Variants in SEPTIN7 observed in about 807,000 individuals in gnomAD.
SEPTIN7 encodes the protein septin-7.
Under a neutral mutation model 63.3 loss-of-function variants are expected in SEPTIN7, and 10 were observed. The observed-to-expected ratio is 0.16, with a 90% CI of 0.10 to 0.27. The LOEUF (loss-of-function observed/expected upper bound fraction) is 0.27, where lower values mean the gene tolerates loss of function less well. Among genes scored for constraint, SEPTIN7 ranks in the 10% least tolerant of loss-of-function variants. SEPTIN7 has a pLI of 1.00. For synonymous variants in SEPTIN7, 131 were observed against 165.3 expected, an observed-to-expected ratio of 0.79 and a Z score of 1.59; for missense variants, 310 against 521.0, an observed-to-expected ratio of 0.59 and a Z score of 3.94.
chr7:35,803,031 C>G (rs777735911), intron 1 of SEPTIN7: 2 of 291,176 alleles, frequency 6.9e-6, no homozygotes, highest in Non-Finnish European at 1.0e-5. Context: ...ACATATTTTA[C>G]CACATCTTAG....
chr7:35,886,868 A>G (rs1369130513), intron 10 of SEPTIN7, among the ~76,000 whole-genome samples: 2 of 152,232 alleles, frequency 1.3e-5, no homozygotes, highest in African/African-American at 4.8e-5. Context: ...CTGCTACCTC[A>G]AGAAATACAA....
chr7:35,842,944 G>A (rs984121902), intron 3 of SEPTIN7, among the ~76,000 whole-genome samples: 2 of 152,040 alleles, frequency 1.3e-5, no homozygotes, highest in Non-Finnish European at 2.9e-5. Context: ...ATATATATGT[G>A]TGTGTGTATG....
At chr7:35,913,092 A>T in the SEPTIN7 span, among the ~76,000 whole-genome samples, 1 of 152,100 alleles carries the variant, frequency 6.6e-6, no homozygotes, top group Non-Finnish European at 1.5e-5. Context: ...AGTTAACAAT[A>T]CCTAGCCAGT....
intron 3 of SEPTIN7, chr7:35,848,121 TCTA>T (rs1288968948): frequency 6.6e-6 from 1 of 152,222 alleles, no homozygotes; most frequent in African/African-American, 2.4e-5. Context: ...TTCTGCAAAA[TCTA>T]CTTTTTCTGA....
chr7:35,896,800 G>A (rs1193675798), intron 11 of SEPTIN7, among the ~76,000 whole-genome samples: 1 of 152,162 alleles, frequency 6.6e-6, no homozygotes, highest in African/African-American at 2.4e-5. Flanking sequence ...TTTTAGTGAA[G>A]AAATATCCTT....
chr7:35,897,051 A>C (rs1787997814), intron 11 of SEPTIN7, among the ~76,000 whole-genome samples: 1 of 152,202 alleles, frequency 6.6e-6, no homozygotes, highest in Admixed American at 6.5e-5. Flanking sequence ...AAGTCACCAT[A>C]ATAAGAGTGT....
At chr7:35,812,350 A>G (rs1460259131) in intron 1 of SEPTIN7, among the ~76,000 whole-genome samples, 1 of 148,116 alleles carries the variant, frequency 6.8e-6, no homozygotes, top group East Asian at 2.0e-4. Flanking sequence ...TAATTTTGGA[A>G]TAGTTTTGGA....
At chr7:35,808,613 CT>C in intron 1 of SEPTIN7, among the ~76,000 whole-genome samples, 1 of 152,108 alleles carries the variant, frequency 6.6e-6, no homozygotes, top group Admixed American at 6.5e-5. Flanking sequence ...AAGATGGCAC[CT>C]TAAATGCTAC....
chr7:35,896,372 G>T (rs988472046), intron 11 of SEPTIN7, among the ~76,000 whole-genome samples: 5 of 152,100 alleles, frequency 3.3e-5, no homozygotes, highest in African/African-American at 1.2e-4. Context: ...TTTTTAGATT[G>T]TTTCTTTTTT....
At chr7:35,859,881 C>T (rs1310146925) in intron 3 of SEPTIN7, among the ~76,000 whole-genome samples, 1 of 152,098 alleles carries the variant, frequency 6.6e-6, no homozygotes, top group Non-Finnish European at 1.5e-5. Flanking sequence ...CTTAGATCTA[C>T]AATGTGTCTT....
At chr7:35,889,582 G>T (rs1461950204) in intron 10 of SEPTIN7, among the ~76,000 whole-genome samples, 2 of 152,028 alleles carry the variant, frequency 1.3e-5, no homozygotes, top group Admixed American at 1.3e-4. Context: ...TCTTGCTCAT[G>T]TACTCAGGAT....
chr7:35,836,091 C>G (rs963867325), intron 3 of SEPTIN7, among the ~76,000 whole-genome samples: 4 of 151,868 alleles, frequency 2.6e-5, no homozygotes, highest in South Asian at 2.1e-4. Flanking sequence ...TTTTGGAGAC[C>G]CTGATTGACA....
intron 7 of SEPTIN7, 91 bp downstream of exon 7, chr7:35,880,031 C>T (rs1301633514): frequency 1.4e-5 from 10 of 704,028 alleles, no homozygotes; most frequent in Admixed American, 2.1e-5. Flanking sequence ...CAATCCATTC[C>T]TCTTACTGCT....
chr7:35,806,273 A>G (rs1279324849), intron 1 of SEPTIN7, among the ~76,000 whole-genome samples: 1 of 152,270 alleles, frequency 6.6e-6, no homozygotes, highest in African/African-American at 2.4e-5. Flanking sequence ...TAAACTTGGG[A>G]ATCAAAATTA....
intron 1 of SEPTIN7, among the ~76,000 whole-genome samples, chr7:35,824,760 C>G (rs1313375161): frequency 6.6e-6 from 1 of 152,120 alleles, no homozygotes. Flanking sequence ...TGTAATTAAG[C>G]TTTCATAATA....
intron 2 of SEPTIN7, chr7:35,832,116 C>A: frequency 2.2e-6 from 1 of 453,654 alleles, no homozygotes; most frequent in Non-Finnish European, 4.4e-6. Context: ...TTGTTGAGGT[C>A]ATCTAGGAAT....
intron 11 of SEPTIN7, among the ~76,000 whole-genome samples, chr7:35,894,964 C>T (rs1276736243): frequency 6.6e-6 from 1 of 152,156 alleles, no homozygotes; most frequent in Non-Finnish European, 1.5e-5. Context: ...ATAAAGACAA[C>T]CCTAGAAGGA....
intron 4 of SEPTIN7, among the ~76,000 whole-genome samples, chr7:35,863,970 ATTAG>A (rs1042771038): frequency 1.3e-5 from 2 of 149,804 alleles, no homozygotes; most frequent in Admixed American, 6.7e-5. Context: ...ATAAATTAAA[ATTAG>A]TTAAATTAAA....
chr7:35,816,625 A>G (rs1789087825), intron 1 of SEPTIN7, among the ~76,000 whole-genome samples: 1 of 152,144 alleles, frequency 6.6e-6, no homozygotes, highest in Non-Finnish European at 1.5e-5. Context: ...AGTGTAGTGT[A>G]ACTCTAGTTT....
Sources: allele counts gnomAD v4.1 joint callset (sites outside exome capture counted in the v4.1 genomes callset), GRCh38; gene constraint gnomAD v4.1.1; transcripts MANE v1.5; gene names NCBI Gene and HGNC (gene_info 2026-07-23, HGNC 2026-07-21).